The following PTAR1 variants were observed in gnomAD, a reference collection of about 807,000 sequenced individuals.
PTAR1 encodes protein prenyltransferase alpha subunit repeat containing 1.
Under a neutral mutation model 45.5 loss-of-function variants are expected in PTAR1, and 17 were observed. The observed-to-expected ratio is 0.37, with a 90% CI of 0.26 to 0.56. The LOEUF (loss-of-function observed/expected upper bound fraction) is 0.56. Ranked by LOEUF, PTAR1 falls within the 20% of genes least tolerant of loss-of-function variation. PTAR1 has a pLI of 0.77. For missense variants in PTAR1, 391 were observed against 476.3 expected (o/e 0.82, Z 1.67); for synonymous variants, 169 against 171.3 (o/e 0.99, Z 0.11).
intron 5 of PTAR1, among the ~76,000 whole-genome samples, chr9:69,731,741 C>A (rs1432206215): frequency 1.3e-5 from 2 of 150,892 alleles, no homozygotes; most frequent in African/African-American, 4.8e-5. Flanking sequence ...TCCTCTCCCC[C>A]TTTTCAGAGG....
Position 69,759,891 on chromosome 9 carries a change from C to T in PTAR1, c.48G>A (p.Val16=). The T allele has an allele frequency of 6.5e-7, 1 of 1,531,364 alleles. No individual in the cohort carries two copies. Among genetic ancestry groups the T allele is most frequent in the Non-Finnish European group, 8.8e-7 (1 of 1,139,640 alleles). 94.9% of individuals were successfully genotyped at this position (1,531,364 alleles called of 1,614,324 possible). Residue 16 remains valine, a synonymous_variant, in exon 1 of 8, where the codon GTG becomes GTA. Coordinates refer to ENST00000340434, the MANE Select transcript of PTAR1 (RefSeq NM_001099666.2). ...TCCTGAAGGCGTTAGTGATGTCCTTCACAACCCGCTGCACCAGCACCGCCA... is the reference window on the plus strand; with the variant it reads ...TCCTGAAGGCGTTAGTGATGTCCTTTACAACCCGCTGCACCAGCACCGCCA... ...EEVAVLVQRV[V]KDITNAFRRN...
intron 3 of PTAR1, among the ~76,000 whole-genome samples, chr9:69,741,284 C>T (rs1414996265): frequency 6.6e-6 from 1 of 152,136 alleles, no homozygotes; most frequent in Non-Finnish European, 1.5e-5. Flanking sequence ...AATCTGAACT[C>T]TTGGCCTATA....
Position 69,760,008 on chromosome 9 carries a change from G to A in PTAR1, c.-70C>T, listed in dbSNP as rs1425047783. The A allele has an allele frequency of 5.6e-6, 7 of 1,256,442 alleles. No homozygotes were observed. In the South Asian group the frequency reaches 7.3e-5, roughly 13 times the overall value. 77.8% of individuals were successfully genotyped at this position (1,256,442 alleles called of 1,614,324 possible). A position where few individuals can be genotyped will look rare whatever the true frequency, so the allele number is the denominator to read the frequency against. On this transcript the variant is annotated 5_prime_UTR_variant, in exon 1 of 8. Coordinates refer to ENST00000340434, the MANE Select transcript of PTAR1 (RefSeq NM_001099666.2). Reference sequence around the variant, plus strand: ...GGGCCGCCGGCGGGAGTTCCGCGGAGAACGAGCGCGCGCGCGCGCGCGCGG... The same window carrying A: ...GGGCCGCCGGCGGGAGTTCCGCGGAAAACGAGCGCGCGCGCGCGCGCGCGG...
intron 1 of PTAR1, 87 bp downstream of exon 1, chr9:69,759,766 G>C (rs1238376386): frequency 1.5e-6 from 2 of 1,347,588 alleles, no homozygotes; most frequent in Non-Finnish European, 2.0e-6. Context: ...CCCGCTGTCC[G>C]CCCGCCGCCC....
In PTAR1 at chr9:69,723,989, G is replaced by A. The variant is rs562181588; in HGVS notation, c.643-359C>T. On this transcript the variant is annotated intron_variant, in intron 5 of 7. Coordinates refer to ENST00000340434, the MANE Select transcript of PTAR1 (RefSeq NM_001099666.2). ...GTATTCATTTACAAGTAATGCTGACGTAAAAGCAAAAATATAAACTCAGAT... is the reference window on the plus strand; with the variant it reads ...GTATTCATTTACAAGTAATGCTGACATAAAAGCAAAAATATAAACTCAGAT... Among the ~76,000 whole-genome samples, 11 of 152,146 alleles carry A rather than the reference G, an allele frequency of 7.2e-5. No individual in the cohort carries two copies. In the South Asian group the frequency reaches 1.2e-3, roughly 17 times the overall value.
intron 4 of PTAR1, among the ~76,000 whole-genome samples, chr9:69,733,254 G>C (rs111692219): frequency 0.012 from 1,794 of 152,058 alleles, 41 homozygotes; most frequent in African/African-American, 0.041. Context: ...ACCCTTCTGT[G>C]GTATACTATC....
chr9:69,750,764 A>G lies in PTAR1; in HGVS notation c.256+17T>C, dbSNP rs765316514. 1 of 1,580,458 alleles carries G rather than the reference A, an allele frequency of 6.3e-7. No individual in the cohort carries two copies. Among genetic ancestry groups the G allele is most frequent in the Non-Finnish European group, 8.6e-7 (1 of 1,161,920 alleles). On this transcript the variant is annotated intron_variant, in intron 2 of 7. Transcript: ENST00000340434. ...CGCTTCTAAAAACCAAATGAAGAAA[A>G]TATGATTCATACTTACCATCTCTGT...
intron 1 of PTAR1, chr9:69,757,610 T>A (rs1314114284): frequency 6.6e-6 from 1 of 152,208 alleles, no homozygotes; most frequent in Non-Finnish European, 1.5e-5. Flanking sequence ...ACAAAGTCAA[T>A]GTATTTAATG....
At chr9:69,739,263 C>T (rs1825931778) in intron 3 of PTAR1, among the ~76,000 whole-genome samples, 1 of 152,076 alleles carries the variant, frequency 6.6e-6, no homozygotes, top group Admixed American at 6.5e-5. Context: ...ACATGAATCA[C>T]TGGAGTTTGG....
intron 5 of PTAR1, among the ~76,000 whole-genome samples, chr9:69,727,157 A>T (rs945590368): frequency 6.6e-6 from 1 of 152,140 alleles, no homozygotes; most frequent in Non-Finnish European, 1.5e-5. Context: ...ATCACCTCAC[A>T]TAAGTATTTT....
At chr9:69,747,059 A>G (rs527491206) in intron 2 of PTAR1, among the ~76,000 whole-genome samples, 17 of 152,362 alleles carry the variant, frequency 1.1e-4, no homozygotes, top group African/African-American at 3.4e-4. Context: ...CACAGAATCA[A>G]TAGCTAGACT....
At chr9:69,752,759 T>C (rs1588487289) in intron 1 of PTAR1, among the ~76,000 whole-genome samples, 1 of 152,032 alleles carries the variant, frequency 6.6e-6, no homozygotes, top group African/African-American at 2.4e-5. Flanking sequence ...GTAGGAAGAA[T>C]AAGGACAAAG....
intron 5 of PTAR1, among the ~76,000 whole-genome samples, chr9:69,725,720 C>T (rs1005091714): frequency 6.6e-6 from 1 of 151,832 alleles, no homozygotes; most frequent in Non-Finnish European, 1.5e-5. Context: ...GAAACTTTAA[C>T]TGGAATTTCA....
chr9:69,715,640 T>C lies in PTAR1; in HGVS notation c.*2702A>G, dbSNP rs75737888. ...CCATCTTTTCCTTTTAACAATTAGA[T>C]TGTTATAGAAAAATAAGTGAAGACT... On this transcript the variant is annotated 3_prime_UTR_variant, in exon 8 of 8. Transcript: ENST00000340434. The C allele has an allele frequency of 3.2e-4, 49 of 152,160 alleles. No individual in the cohort carries two copies. Among genetic ancestry groups the C allele is most frequent in the African/African-American group, 1.2e-3 (49 of 41,532 alleles). 9.4% of individuals were successfully genotyped at this position (152,160 alleles called of 1,614,324 possible).
intron 5 of PTAR1, among the ~76,000 whole-genome samples, chr9:69,729,129 G>A (rs1428136205): frequency 6.6e-6 from 1 of 152,090 alleles, no homozygotes; most frequent in East Asian, 1.9e-4. Flanking sequence ...AGACCAGCCT[G>A]ACCAACATGG....
At chr9:69,718,707 G>C in intron 6 of PTAR1, 23 bp from the exon 7 acceptor site, 98 of 1,452,020 alleles carry the variant, frequency 6.7e-5, no homozygotes, top group Non-Finnish European at 8.6e-5. Flanking sequence ...GGGGAAGGAA[G>C]AGAATAAAGA....
At chr9:69,723,268 T>C (rs918667675) in intron 6 of PTAR1, 58 bp downstream of exon 6, 36 of 1,452,772 alleles carry the variant, frequency 2.5e-5, no homozygotes, top group Non-Finnish European at 3.2e-5. Flanking sequence ...TAACACTTTC[T>C]GCAGCTCTCA....
At chr9:69,745,216 G>A (rs905486248) in intron 2 of PTAR1, among the ~76,000 whole-genome samples, 1 of 152,174 alleles carries the variant, frequency 6.6e-6, no homozygotes, top group Admixed American at 6.5e-5. Context: ...TAGTAAAACT[G>A]TCTAAATTTC....
chr9:69,753,110 G>A (rs1297138057), intron 1 of PTAR1, among the ~76,000 whole-genome samples: 1 of 150,398 alleles, frequency 6.6e-6, no homozygotes, highest in African/African-American at 2.4e-5. Context: ...AAAGAATCCT[G>A]TTTCTGGGTA....
Sources: gnomAD v4.1 joint callset for allele counts (sites outside exome capture counted in the v4.1 genomes callset) on GRCh38, gnomAD v4.1.1 for gene constraint, MANE v1.5 for transcripts, NCBI Gene and HGNC (gene_info 2026-07-23, HGNC 2026-07-21) for gene names.